The following ADAMTS3 variants were observed in gnomAD, a reference collection of about 807,000 sequenced individuals.
ADAMTS3 encodes the protein ADAM metallopeptidase with thrombospondin type 1 motif 3.
ADAMTS3 carries 73 observed loss-of-function variants against 129.0 expected under a neutral mutation model. The ratio of observed to expected loss-of-function variants is 0.57; its 90% CI spans 0.47 to 0.69. The LOEUF is 0.69. Ranked by LOEUF, ADAMTS3 falls within the 30% of genes least tolerant of loss-of-function variation. The probability of loss-of-function intolerance (pLI) is 0.00; values close to 1 mark genes in which losing one functional copy is unlikely to be tolerated. For missense variants in ADAMTS3, 1,457 were observed against 1,514.5 expected, an observed-to-expected ratio of 0.96 and a Z score of 0.63; for synonymous variants, 477 against 510.8, an observed-to-expected ratio of 0.93 and a Z score of 0.89.
Position 72,283,240 on chromosome 4 carries a change from C to T in ADAMTS3, c.3514G>A (p.Ala1172Thr), listed in dbSNP as rs766685982. 22 of 1,613,980 alleles carry T rather than the reference C, an allele frequency of 1.4e-5. No individual in the cohort carries two copies. In the South Asian group the frequency reaches 2.4e-4, roughly 18 times the overall value. The change falls in exon 22 of 22, where the codon GCC (alanine) becomes ACC (threonine). Residue 1172 changes from alanine to threonine, a missense_variant. Coordinates refer to ENST00000286657, the MANE Select transcript of ADAMTS3 (RefSeq NM_014243.3). The stretch of plus-strand genomic sequence containing the variant: ...GAAGAAGCACCTATTGAATCACTGG[C>T]TGCAAAGAAGGAAGCAGCAGCCATT... ...SQMAAASFFA[A>T]SDSIGASSQA... is the part of the protein sequence containing the mutation.
chr4:72,297,058 A>G (rs1188440108), intron 18 of ADAMTS3, among the ~76,000 whole-genome samples: 1 of 152,174 alleles, frequency 6.6e-6, no homozygotes, highest in Non-Finnish European at 1.5e-5. Flanking sequence ...TCAGGGCAAC[A>G]TGTTAGAAGA....
At chr4:72,531,193 C>G (rs1489399232) in intron 3 of ADAMTS3, among the ~76,000 whole-genome samples, 1 of 151,810 alleles carries the variant, frequency 6.6e-6, no homozygotes, top group African/African-American at 2.4e-5. Context: ...CATAGAAAAA[C>G]CTAAAAATGT....
intron 4 of ADAMTS3, among the ~76,000 whole-genome samples, chr4:72,389,685 C>G (rs1342719890): frequency 6.6e-6 from 1 of 152,042 alleles, no homozygotes; most frequent in African/African-American, 2.4e-5. Context: ...GCGTATGTCA[C>G]AAATTAAGTG....
intron 2 of ADAMTS3, among the ~76,000 whole-genome samples, chr4:72,566,511 A>G (rs1172776802): frequency 1.3e-5 from 2 of 152,242 alleles, no homozygotes; most frequent in Non-Finnish European, 2.9e-5. Flanking sequence ...AGTTATAAAA[A>G]CTTTTCTTCT....
chr4:72,429,851 A>G (rs75259868), intron 3 of ADAMTS3, among the ~76,000 whole-genome samples: 287 of 152,156 alleles, frequency 1.9e-3, no homozygotes, highest in African/African-American at 6.7e-3. Context: ...AGAAAAGACC[A>G]TATCATGGTC....
intron 5 of ADAMTS3, among the ~76,000 whole-genome samples, chr4:72,334,941 T>C (rs1409065521): frequency 1.3e-5 from 2 of 152,126 alleles, no homozygotes; most frequent in Admixed American, 6.5e-5. Flanking sequence ...ATGAAAGACA[T>C]CTGATTATTC....
chr4:72,290,388 G>A (rs1373715541), intron 20 of ADAMTS3, among the ~76,000 whole-genome samples: 1 of 152,156 alleles, frequency 6.6e-6, no homozygotes, highest in Non-Finnish European at 1.5e-5. Context: ...GAGAAGGAGA[G>A]ATTATCAGGT....
intron 4 of ADAMTS3, among the ~76,000 whole-genome samples, chr4:72,376,969 A>G (rs1721149872): frequency 6.6e-6 from 1 of 152,190 alleles, no homozygotes; most frequent in Non-Finnish European, 1.5e-5. Context: ...GCATGAATAA[A>G]CAGAAATTTG....
chr4:72,478,981 T>C (rs2110002922), intron 3 of ADAMTS3, among the ~76,000 whole-genome samples: 1 of 152,232 alleles, frequency 6.6e-6, no homozygotes, highest in South Asian at 2.1e-4. Context: ...GAATCCTACT[T>C]ACAAGGGACG....
intron 3 of ADAMTS3, among the ~76,000 whole-genome samples, chr4:72,476,887 A>G (rs1230669055): frequency 6.6e-6 from 1 of 152,174 alleles, no homozygotes; most frequent in Non-Finnish European, 1.5e-5. Context: ...GTAAGCTAAA[A>G]CATTAACAGG....
chr4:72,348,297 T>C (rs545029371), intron 4 of ADAMTS3, among the ~76,000 whole-genome samples: 11 of 152,016 alleles, frequency 7.2e-5, no homozygotes, highest in African/African-American at 2.4e-4. Context: ...AAATTTTAGA[T>C]AAGGTTCTCA....
chr4:72,290,176 G>C (rs1276782193), intron 20 of ADAMTS3, among the ~76,000 whole-genome samples: 1 of 152,194 alleles, frequency 6.6e-6, no homozygotes, highest in Non-Finnish European at 1.5e-5. Flanking sequence ...CACTAGCTGA[G>C]TGCTGAGGAA....
intron 4 of ADAMTS3, among the ~76,000 whole-genome samples, chr4:72,398,687 A>G (rs1260303751): frequency 3.3e-5 from 5 of 152,208 alleles, no homozygotes; most frequent in African/African-American, 7.2e-5. Context: ...CATCTTGAAG[A>G]CTCATGCACA....
chr4:72,321,297 G>A (rs989132578), intron 6 of ADAMTS3, among the ~76,000 whole-genome samples: 23 of 151,588 alleles, frequency 1.5e-4, no homozygotes, highest in Non-Finnish European at 1.6e-4. Context: ...TCAGCCTCCT[G>A]AGTAGCTGGG....
In ADAMTS3 at chr4:72,283,333, T is replaced by C. The variant is rs1311895790; in HGVS notation, c.3421A>G (p.Thr1141Ala). ...GATGGTACGGTGACCAGTCTCACAGTCTTACTTCCTGCTTGCTGAGCACTC... is the reference window on the plus strand; with the variant it reads ...GATGGTACGGTGACCAGTCTCACAGCCTTACTTCCTGCTTGCTGAGCACTC... ...QRSAQQAGSKTVRLVTVPSSP... is the reference protein window; with the variant it reads ...QRSAQQAGSKAVRLVTVPSSP... Residue 1141 changes from threonine to alanine, a missense_variant, in exon 22 of 22, where the codon ACT (threonine) becomes GCT (alanine). Thr to Ala is a moderately conservative substitution (Grantham distance 58). Transcript: ENST00000286657. 6.2e-7 allele frequency: 1 copy of C among 1,613,812 alleles called. No individual in the cohort carries two copies. Among genetic ancestry groups the C allele is most frequent in the East Asian group, 2.2e-5 (1 of 44,850 alleles).
At chr4:72,357,709 T>C (rs1720615463) in intron 4 of ADAMTS3, among the ~76,000 whole-genome samples, 1 of 151,966 alleles carries the variant, frequency 6.6e-6, no homozygotes, top group Non-Finnish European at 1.5e-5. Flanking sequence ...TTGTGGATGC[T>C]GGAAAAATTT....
intron 3 of ADAMTS3, among the ~76,000 whole-genome samples, chr4:72,538,500 G>GA (rs970898242): frequency 1.0e-4 from 15 of 146,798 alleles, no homozygotes; most frequent in African/African-American, 2.3e-4. Flanking sequence ...AATAACAAGA[G>GA]AAAAAAAAAA....
At chr4:72,483,757 C>T (rs201250316) in intron 3 of ADAMTS3, among the ~76,000 whole-genome samples, 8 of 152,180 alleles carry the variant, frequency 5.3e-5, no homozygotes, top group Non-Finnish European at 1.0e-4. Context: ...CGGTGGCTCA[C>T]GCCTGTAATC....
At chr4:72,454,810 G>A (rs79963256) in intron 3 of ADAMTS3, among the ~76,000 whole-genome samples, 1 of 151,780 alleles carries the variant, frequency 6.6e-6, no homozygotes, top group African/African-American at 2.4e-5. Context: ...GCCAGAATCT[G>A]GGCTGTGGAC....
Sources: gnomAD v4.1 joint callset for allele counts (sites outside exome capture counted in the v4.1 genomes callset) on GRCh38, gnomAD v4.1.1 for gene constraint, MANE v1.5 for transcripts, NCBI Gene and HGNC (gene_info 2026-07-23, HGNC 2026-07-21) for gene names.